ECD: variants seen among roughly 807,000 people sequenced by gnomAD.
The protein encoded by ECD is ecdysoneless cell cycle regulator.
Under a neutral mutation model 77.2 loss-of-function variants are expected in ECD, and 59 were observed. The observed-to-expected ratio is 0.76, with a 90% confidence interval of 0.62 to 0.95. The LOEUF is 0.95. Among genes scored for constraint, ECD ranks in the 40% least tolerant of loss-of-function variants. The pLI is 0.00. For synonymous variants in ECD, 233 were observed against 267.4 expected, an observed-to-expected ratio of 0.87 and a Z score of 1.26; for missense variants, 704 against 763.4, an observed-to-expected ratio of 0.92 and a Z score of 0.92.
intron 12 of ECD, among the ~76,000 whole-genome samples, chr10:73,137,325 T>G (rs1425860095): frequency 6.6e-6 from 1 of 152,174 alleles, no homozygotes; most frequent in Admixed American, 6.5e-5. Flanking sequence ...ATCCCAATCT[T>G]TCTCTCTGCA....
chr10:73,163,797 T>C lies in ECD; in HGVS notation c.141A>G (p.Ala47=), dbSNP rs769718920. 2.0e-5 allele frequency: 32 copies of C among 1,614,060 alleles called. No homozygotes were observed. The highest frequency in any genetic ancestry group is 8.5e-6 in the Non-Finnish European group (10 of 1,180,046). Residue 47 remains alanine (A), a synonymous_variant, in exon 2 of 14, where the codon GCA becomes GCG. Transcript: ENST00000372979. The stretch of plus-strand genomic sequence containing the variant: ...GCCAGATGTAGGGGACCAGCATAGG[T>C]GCAAACCGAGTGATTATTCTCTCAA... ...KYIERIITRF[A]PMLVPYIWQN...
intron 3 of ECD, 58 bp downstream of exon 3, chr10:73,160,376 G>T: frequency 1.8e-6 from 2 of 1,129,798 alleles, no homozygotes; most frequent in Non-Finnish European, 1.2e-6. Flanking sequence ...AGATAAAAAT[G>T]TAGTCACTTT....
chr10:73,148,202 C>G, intron 8 of ECD, 74 bp downstream of exon 8: 1 of 1,564,284 alleles, frequency 6.4e-7, no homozygotes, highest in South Asian at 1.2e-5. Context: ...TAAATATGGA[C>G]TATAGGACTT....
chr10:73,166,276 C>T (rs182871995), intron 1 of ECD, among the ~76,000 whole-genome samples: 2 of 151,986 alleles, frequency 1.3e-5, no homozygotes, highest in African/African-American at 4.8e-5. Flanking sequence ...AATAGTGCTG[C>T]GATAAACATG....
chr10:73,134,029 A>C lies in ECD; in HGVS notation c.*554T>G, dbSNP rs1842950228. 6.5e-6 allele frequency: 1 copy of C among 152,750 alleles called. No homozygotes were observed. Among genetic ancestry groups the C allele is most frequent in the Non-Finnish European group, 1.5e-5 (1 of 68,460 alleles). The allele number at this position is 152,750 out of a possible 1,614,324, so 9.5% of individuals were successfully genotyped here. A position where few individuals can be genotyped will look rare whatever the true frequency, so the allele number is the denominator to read the frequency against. On this transcript the variant is annotated 3_prime_UTR_variant, in exon 14 of 14. Coordinates refer to ENST00000372979, the MANE Select transcript of ECD (RefSeq NM_007265.3). ...AAAACCACTGAATTGTATAATTTAA[A>C]GGGTAAATTTTTTGGTATGTGACAT...
rs1842954470 is a variant in ECD, at chr10:73,134,431, C to A, written c.*152G>T. The A allele has an allele frequency of 8.2e-6, 6 of 729,858 alleles. No individual in the cohort carries two copies. The highest frequency in any genetic ancestry group is 2.9e-5 in the Admixed American group (1 of 34,984). The allele number at this position is 729,858 out of a possible 1,614,324, so 45.2% of individuals were successfully genotyped here. A position where few individuals can be genotyped will look rare whatever the true frequency, so the allele number is the denominator to read the frequency against. On this transcript the variant is annotated 3_prime_UTR_variant, in exon 14 of 14. Coordinates refer to ENST00000372979, the MANE Select transcript of ECD (RefSeq NM_007265.3). Reference sequence around the variant, plus strand: ...CAGCTGAGATCACAAAGACTTGTGCCAAGAGGGCCACATTTGGGGCTCATG... The same window carrying A: ...CAGCTGAGATCACAAAGACTTGTGCAAAGAGGGCCACATTTGGGGCTCATG...
At chr10:73,162,725 A>C (rs1843397547) in intron 2 of ECD, among the ~76,000 whole-genome samples, 1 of 152,142 alleles carries the variant, frequency 6.6e-6, no homozygotes, top group East Asian at 1.9e-4. Flanking sequence ...GTGTAAGGAG[A>C]GACTTGGTCA....
chr10:73,165,290 GC>G (rs1157394655), intron 1 of ECD, among the ~76,000 whole-genome samples: 1 of 151,942 alleles, frequency 6.6e-6, no homozygotes, highest in Non-Finnish European at 1.5e-5. Context: ...TCCTAAATTT[GC>G]CCCTTTTTCA....
Position 73,160,526 on chromosome 10 carries a change from G to A in ECD, c.231C>T (p.Gly77=), listed in dbSNP as rs145243678. 2.6e-4 allele frequency: 426 copies of A among 1,609,910 alleles called. 3 individuals are homozygous for A. In the Middle Eastern group the frequency reaches 6.9e-3, roughly 26 times the overall value. Residue 77 remains glycine, a synonymous_variant, in exon 3 of 14, where the codon GGC becomes GGT. Coordinates refer to ENST00000372979, the MANE Select transcript of ECD (RefSeq NM_007265.3). ...GKGGVPAHMF[G]VTKFGDNIED... is the part of the protein sequence containing the mutation. ...CAATGTTATCCCCAAACTTTGTCAC[G>A]CCAAACATATGAGCAGGAACACCTC...
At chr10:73,142,821 T>G (rs551054712) in intron 9 of ECD, among the ~76,000 whole-genome samples, 1 of 152,254 alleles carries the variant, frequency 6.6e-6, no homozygotes, top group African/African-American at 2.4e-5. Context: ...TGTCTGTCCT[T>G]TTGCTGGAAT....
chr10:73,162,345 G>A (rs1489556954), intron 2 of ECD, among the ~76,000 whole-genome samples: 1 of 152,240 alleles, frequency 6.6e-6, no homozygotes, highest in East Asian at 1.9e-4. Flanking sequence ...ACATGGTGAA[G>A]TGAGGAACTG....
intron 9 of ECD, among the ~76,000 whole-genome samples, chr10:73,141,194 G>A (rs564923908): frequency 4.0e-4 from 61 of 151,434 alleles, no homozygotes; most frequent in Non-Finnish European, 7.7e-4. Context: ...TTGCACTCCA[G>A]GCTGGGCGAC....
rs576950515 is a variant in ECD, at chr10:73,145,650, T to C, written c.1127+626A>G. ...GGGGTACATCCATTTGCTGAAATATTGTGCAGCTTTTTTTTTTTTTTTTTT... is the reference window on the plus strand; with the variant it reads ...GGGGTACATCCATTTGCTGAAATATCGTGCAGCTTTTTTTTTTTTTTTTTT... On this transcript the variant is annotated intron_variant, in intron 9 of 13. Transcript: ENST00000372979. 4.4e-3 allele frequency among the ~76,000 whole-genome samples: 661 copies of C among 150,898 alleles called. 5 individuals carry two copies. Among genetic ancestry groups the C allele is most frequent in the Middle Eastern group, 6.8e-3 (2 of 292 alleles).
intron 12 of ECD, among the ~76,000 whole-genome samples, chr10:73,137,660 C>T (rs951640255): frequency 2.0e-5 from 3 of 151,744 alleles, no homozygotes; most frequent in African/African-American, 7.3e-5. Flanking sequence ...CCTGTAGTCC[C>T]AGTTACTCAG....
chr10:73,159,265 G>A (rs967984725), intron 3 of ECD, among the ~76,000 whole-genome samples: 1 of 152,242 alleles, frequency 6.6e-6, no homozygotes, highest in African/African-American at 2.4e-5. Context: ...GTTAATTACA[G>A]AAAACCCAGG....
chr10:73,134,625 G>A lies in ECD; in HGVS notation c.1893C>T (p.Asp631=), dbSNP rs894006865. ...TACTTGTTGGTCTGTGATCGGTGTT[G>A]TCAGGCAGCTGCACTCCCATGCTTT... The part of the protein sequence containing the change: ...LLQSMGVQLP[D]NTDHRPTSKP... Residue 631 remains aspartate, a synonymous_variant, in exon 14 of 14, where the codon GAC becomes GAT. Transcript: ENST00000372979. 1.2e-6 allele frequency: 2 copies of A among 1,614,180 alleles called. No homozygotes were observed. The highest frequency in any genetic ancestry group is 2.7e-5 in the African/African-American group (2 of 75,056).
At chr10:73,156,169 C>G (rs149492286) in intron 5 of ECD, 106 bp downstream of exon 5, 3 of 1,008,172 alleles carry the variant, frequency 3.0e-6, no homozygotes, top group Non-Finnish European at 4.2e-6. Context: ...AAAGACTGAT[C>G]AACTCCAACA....
Position 73,135,842 on chromosome 10 carries a change from T to C in ECD, c.1704+862A>G, listed in dbSNP as rs142567130. On this transcript the variant is annotated intron_variant, in intron 13 of 13. Transcript: ENST00000372979. ...TATGTTGTAACATGATCTTTTGGTT[T>C]ATATTCGCATTAAAATTTAAGAAAT... Among the ~76,000 whole-genome samples the C allele has an allele frequency of 6.5e-3, 991 of 152,306 alleles. 13 individuals are homozygous for C. Among genetic ancestry groups the C allele is most frequent in the African/African-American group, 0.023 (947 of 41,564 alleles).
At chr10:73,143,932 C>T (rs1422033924) in intron 9 of ECD, among the ~76,000 whole-genome samples, 2 of 150,572 alleles carry the variant, frequency 1.3e-5, no homozygotes, top group Non-Finnish European at 2.9e-5. Context: ...ACGATTTTGC[C>T]GCCCAGGTAC....
Sources: allele counts gnomAD v4.1 joint callset (sites outside exome capture counted in the v4.1 genomes callset), GRCh38; gene constraint gnomAD v4.1.1; transcripts MANE v1.5; gene names NCBI Gene and HGNC (gene_info 2026-07-23, HGNC 2026-07-21).